ARHGAP39: variants seen among roughly 807,000 people sequenced by gnomAD.
The protein encoded by ARHGAP39 is Rho GTPase activating protein 39.
A neutral mutation model predicts 106.9 loss-of-function variants in ARHGAP39; 44 were observed. The ratio of observed to expected loss-of-function variants is 0.41; its 90% CI spans 0.32 to 0.53. The LOEUF (loss-of-function observed/expected upper bound fraction) is 0.53, where lower values mean the gene tolerates loss of function less well. Among genes scored for constraint, ARHGAP39 ranks in the 20% least tolerant of loss-of-function variants. The pLI, the probability that ARHGAP39 is intolerant of heterozygous loss-of-function variation, is 0.21. For synonymous variants in ARHGAP39, 768 were observed against 693.2 expected (o/e 1.11, Z -1.69); for missense variants, 1,496 against 1,577.3 (o/e 0.95, Z 0.87).
chr8:144,532,752 G>A (rs182866708), intron 9 of ARHGAP39, among the ~76,000 whole-genome samples: 21 of 152,308 alleles, frequency 1.4e-4, no homozygotes, highest in African/African-American at 4.8e-4. Flanking sequence ...GCCCTGACAG[G>A]TGAGTCATGG....
rs193232449 is a variant in ARHGAP39, at chr8:144,645,023, G to A, written c.-81-39328C>T. Among the ~76,000 whole-genome samples the A allele has an allele frequency of 2.6e-5, 4 of 152,330 alleles. No homozygotes were observed. Among genetic ancestry groups the A allele is most frequent in the Admixed American group, 1.3e-4 (2 of 15,304 alleles). On this transcript the variant is annotated intron_variant, in intron 1 of 11. Coordinates refer to ENST00000377307, the MANE Select transcript of ARHGAP39 (RefSeq NM_025251.3). This position sits in a 1 kb window ranked among gnomAD's most constrained non-coding sequence, Gnocchi z 4.4. ...TGGCAGGTGACAGGCGCTGGGCCAC[G>A]GCAGAGAGCACATGTCAACCGCAGT...
rs1024910070 is a variant in ARHGAP39, at chr8:144,646,510, C to A, written c.-82+39176G>T. 6.6e-6 allele frequency among the ~76,000 whole-genome samples: 1 copy of A among 152,078 alleles called. No individual in the cohort carries two copies. The highest frequency in any genetic ancestry group is 1.5e-5 in the Non-Finnish European group (1 of 68,010). On this transcript the variant is annotated intron_variant, in intron 1 of 11. Coordinates refer to ENST00000377307, the MANE Select transcript of ARHGAP39 (RefSeq NM_025251.3). The surrounding 1 kb of genome is among the most constrained non-coding windows in gnomAD (Gnocchi z 5.7). ...AAAGAAATGAGGAATAGCAGGGACA[C>A]CAAAAGACAGGAGGCGAATCGGCTG...
At chr8:144,686,341 T>A (rs1203880531), upstream of ARHGAP39, among the ~76,000 whole-genome samples, 1 of 152,158 alleles carries the variant, frequency 6.6e-6, no homozygotes, top group South Asian at 2.1e-4. Flanking sequence ...ACTCGGTAAT[T>A]CACTCAGCTG....
intron 3 of ARHGAP39, among the ~76,000 whole-genome samples, chr8:144,561,457 T>TTCCATCACACTCCAGTGGTG (rs1564848453): frequency 2.7e-4 from 34 of 125,758 alleles, no homozygotes; most frequent in African/African-American, 1.0e-3. Flanking sequence ...CTCCAGTGGT[T>TTCCATCACACTCCAGTGGTG]TCCATCACAC....
chr8:144,588,190 G>C (rs1193948779), intron 2 of ARHGAP39, among the ~76,000 whole-genome samples: 2 of 152,188 alleles, frequency 1.3e-5, no homozygotes, highest in African/African-American at 4.8e-5. Context: ...TGCAGCTTAA[G>C]ACCTGGCAGG....
chr8:144,546,079 G>C (rs916775737), intron 5 of ARHGAP39, among the ~76,000 whole-genome samples: 1 of 152,192 alleles, frequency 6.6e-6, no homozygotes, highest in African/African-American at 2.4e-5. Context: ...CCTGGCTGAG[G>C]GTGAGGCGGG....
At chr8:144,593,884 T>G (rs1819499216) in intron 2 of ARHGAP39, among the ~76,000 whole-genome samples, 1 of 150,998 alleles carries the variant, frequency 6.6e-6, no homozygotes, top group Non-Finnish European at 1.5e-5. Context: ...AAGTCAGGAG[T>G]TCAAGACCAG....
At chr8:144,532,205 TG>T in intron 10 of ARHGAP39, 99 bp downstream of exon 10, 1 of 962,966 alleles carries the variant, frequency 1.0e-6, no homozygotes, top group Non-Finnish European at 1.6e-6. Context: ...ATCACATCAC[TG>T]GGCAGGATCA....
chr8:144,629,080 TCTTA>T (rs1261805693), intron 1 of ARHGAP39, among the ~76,000 whole-genome samples: 3 of 152,208 alleles, frequency 2.0e-5, no homozygotes, highest in Non-Finnish European at 4.4e-5. Context: ...CTTTACTGGA[TCTTA>T]CTAACTTGGA....
At chr8:144,638,231 T>G (rs1821224660) in intron 1 of ARHGAP39, among the ~76,000 whole-genome samples, 1 of 152,252 alleles carries the variant, frequency 6.6e-6, no homozygotes, top group Admixed American at 6.5e-5. Flanking sequence ...TCTGTACTGC[T>G]GGCACTGCCC....
chr8:144,554,625 G>T (rs1817846348), intron 4 of ARHGAP39, among the ~76,000 whole-genome samples: 1 of 152,186 alleles, frequency 6.6e-6, no homozygotes, highest in Non-Finnish European at 1.5e-5. Flanking sequence ...CACAGTGGGG[G>T]TGGCCCTTCC....
At chr8:144,613,447 C>T (rs1403566135) in intron 1 of ARHGAP39, among the ~76,000 whole-genome samples, 2 of 151,356 alleles carry the variant, frequency 1.3e-5, no homozygotes, top group Non-Finnish European at 2.9e-5. Context: ...CTTTATGTCA[C>T]CTTCACTTAA....
chr8:144,664,806 G>T (rs989912651), intron 1 of ARHGAP39, among the ~76,000 whole-genome samples: 12 of 152,200 alleles, frequency 7.9e-5, no homozygotes, highest in African/African-American at 2.9e-4. Context: ...ATGTGGAACT[G>T]TAAGTCCAAT....
intron 2 of ARHGAP39, among the ~76,000 whole-genome samples, chr8:144,594,319 G>A (rs1819516037): frequency 2.0e-5 from 3 of 152,174 alleles, no homozygotes; most frequent in Non-Finnish European, 4.4e-5. Context: ...TGGAGAAACT[G>A]GAACCTTTAT....
intron 2 of ARHGAP39, among the ~76,000 whole-genome samples, chr8:144,581,677 G>A (rs999217146): frequency 5.9e-5 from 9 of 152,156 alleles, no homozygotes; most frequent in South Asian, 2.1e-4. Flanking sequence ...CAACTGGACC[G>A]CCACCTCCAC....
intron 2 of ARHGAP39, 106 bp downstream of exon 2, chr8:144,605,429 A>T (rs895229539): frequency 1.6e-6 from 2 of 1,234,998 alleles, no homozygotes; most frequent in Middle Eastern, 1.9e-4. Context: ...CGACGAATCC[A>T]TTCTCCACGG....
intron 2 of ARHGAP39, among the ~76,000 whole-genome samples, chr8:144,603,214 T>C (rs1271884845): frequency 2.0e-5 from 3 of 147,754 alleles, no homozygotes; most frequent in South Asian, 2.2e-4. Flanking sequence ...TGTGTGCTCA[T>C]GTACCTGTGT....
At chr8:144,549,541 G>A (rs1253260097) in intron 4 of ARHGAP39, among the ~76,000 whole-genome samples, 1 of 152,144 alleles carries the variant, frequency 6.6e-6, no homozygotes, top group Non-Finnish European at 1.5e-5. Context: ...TCGCCAGGCT[G>A]GAGTATAGCG....
intron 6 of ARHGAP39, among the ~76,000 whole-genome samples, chr8:144,540,060 A>C (rs1256826108): frequency 3.3e-5 from 5 of 152,198 alleles, no homozygotes; most frequent in Non-Finnish European, 5.9e-5. Context: ...ACTTTCAGCA[A>C]TGGTTTGCAG....
Sources: allele counts gnomAD v4.1 joint callset (sites outside exome capture counted in the v4.1 genomes callset), GRCh38; gene constraint gnomAD v4.1.1; non-coding constraint Gnocchi (gnomAD v3.1); transcripts MANE v1.5; gene names NCBI Gene and HGNC (gene_info 2026-07-23, HGNC 2026-07-21).